The following LCMT1 variants were observed in gnomAD, a reference collection of about 807,000 sequenced individuals.
The protein encoded by LCMT1 is [Phosphatase 2A protein]-leucine-carboxy methyltransferase 1.
Under a neutral mutation model 47.7 loss-of-function variants are expected in LCMT1, and 32 were observed. The ratio of observed to expected loss-of-function variants is 0.67; its 90% confidence interval spans 0.51 to 0.90. The LOEUF is 0.90. Among genes scored for constraint, LCMT1 ranks in the 40% least tolerant of loss-of-function variants. The pLI, the probability that LCMT1 is intolerant of heterozygous loss-of-function variation, is 0.00. For synonymous variants in LCMT1, 152 were observed against 149.7 expected (o/e 1.02, Z -0.11); for missense variants, 375 against 415.2 (o/e 0.90, Z 0.84).
intron 3 of LCMT1, among the ~76,000 whole-genome samples, chr16:25,136,769 C>T (rs1275137639): frequency 6.6e-6 from 1 of 152,030 alleles, no homozygotes; most frequent in Non-Finnish European, 1.5e-5. Context: ...GAACTCCTGG[C>T]CTCAAGTGAT....
Position 25,169,246 on chromosome 16 carries a change from AC to A in LCMT1, c.792+36del, listed in dbSNP as rs1371702296. On this transcript the variant is annotated intron_variant, in intron 8 of 10. Coordinates refer to ENST00000399069, the MANE Select transcript of LCMT1 (RefSeq NM_016309.3). ...AGCAGGGACTGGGATATCCATTTGG[AC>A]CCTTAGTCAACCAAGATATATAAAG... The A allele has an allele frequency of 3.6e-6, 5 of 1,399,826 alleles. No individual in the cohort carries two copies. In the East Asian group the frequency reaches 1.1e-4, roughly 32 times the overall value. 86.7% of individuals were successfully genotyped at this position (1,399,826 alleles called of 1,614,324 possible).
At chr16:25,115,199 A>G (rs1959747765) in intron 1 of LCMT1, among the ~76,000 whole-genome samples, 1 of 151,914 alleles carries the variant, frequency 6.6e-6, no homozygotes, top group South Asian at 2.1e-4. Flanking sequence ...TCTATTTCCC[A>G]TGCTGTGCCC....
chr16:25,157,380 C>G (rs1961291760), intron 5 of LCMT1, among the ~76,000 whole-genome samples: 1 of 151,886 alleles, frequency 6.6e-6, no homozygotes, highest in Admixed American at 6.6e-5. Flanking sequence ...CCGCCCACCC[C>G]CCATCTATAC....
At chr16:25,177,872 C>A in intron 10 of LCMT1, 129 bp from the exon 11 acceptor site, 1 of 763,226 alleles carries the variant, frequency 1.3e-6, no homozygotes, top group Admixed American at 2.3e-5. Flanking sequence ...TTTTATGTAG[C>A]AGGAGGGCGG....
chr16:25,124,173 T>C (rs1960086956), intron 1 of LCMT1, among the ~76,000 whole-genome samples: 1 of 152,224 alleles, frequency 6.6e-6, no homozygotes, highest in Admixed American at 6.5e-5. Context: ...CAGGAAACTC[T>C]ACACAGTAGA....
intron 7 of LCMT1, among the ~76,000 whole-genome samples, chr16:25,166,239 C>T (rs796243726): frequency 3.4e-5 from 5 of 146,190 alleles, no homozygotes; most frequent in African/African-American, 1.3e-4. Flanking sequence ...CACTACACTC[C>T]AGCCTGAGTG....
At chr16:25,122,430 T>C (rs1180309220) in intron 1 of LCMT1, among the ~76,000 whole-genome samples, 2 of 152,100 alleles carry the variant, frequency 1.3e-5, no homozygotes, top group Non-Finnish European at 2.9e-5. Flanking sequence ...CACCTCACCC[T>C]CCCGAGTAGC....
intron 1 of LCMT1, among the ~76,000 whole-genome samples, chr16:25,114,004 A>G (rs1959711483): frequency 6.6e-6 from 1 of 152,240 alleles, no homozygotes; most frequent in Non-Finnish European, 1.5e-5. Flanking sequence ...AAATGAGATT[A>G]TCGATGCAGA....
At chr16:25,128,076 C>A (rs1288141942) in intron 1 of LCMT1, among the ~76,000 whole-genome samples, 1 of 152,200 alleles carries the variant, frequency 6.6e-6, no homozygotes, top group Non-Finnish European at 1.5e-5. Flanking sequence ...TTCTAAGTCT[C>A]CCTTCCTCTG....
rs1961678293 is a variant in LCMT1, at chr16:25,169,196, A to G, written c.775A>G (p.Lys259Glu). The change falls in exon 8 of 11, where the codon AAG (lysine) becomes GAG (glutamate). Residue 259 changes from lysine to glutamate, a missense_variant. Physicochemically the swap from Lys to Glu is moderately conservative, Grantham distance 56 (BLOSUM62 1). Coordinates refer to ENST00000399069, the MANE Select transcript of LCMT1 (RefSeq NM_016309.3). Reference protein sequence around the residue: ...QCDLAGVETCKSLESQKERLL... With the variant: ...QCDLAGVETCESLESQKERLL... ...TGACCTGGCGGGAGTGGAGACCTGC[A>G]AGTCATTAGAGTCACAGGTCAGAGA... 6 of 1,610,310 alleles carry G rather than the reference A, an allele frequency of 3.7e-6. No individual in the cohort carries two copies. The highest frequency in any genetic ancestry group is 5.1e-6 in the Non-Finnish European group (6 of 1,176,750).
chr16:25,127,657 G>A (rs1031800733), intron 1 of LCMT1, among the ~76,000 whole-genome samples: 5 of 152,214 alleles, frequency 3.3e-5, no homozygotes, highest in African/African-American at 1.2e-4. Flanking sequence ...TCATTAGGAT[G>A]CTTTGGGCTG....
At chr16:25,130,474 A>G (rs1960318465) in intron 2 of LCMT1, among the ~76,000 whole-genome samples, 1 of 151,930 alleles carries the variant, frequency 6.6e-6, no homozygotes, top group South Asian at 2.1e-4. Flanking sequence ...CAACATGGTG[A>G]AACCCTGTCT....
intron 8 of LCMT1, 106 bp from the exon 9 acceptor site, chr16:25,170,608 C>T: frequency 1.1e-6 from 1 of 877,984 alleles, no homozygotes; most frequent in Non-Finnish European, 1.8e-6. Context: ...TCAGCCTGGG[C>T]AACAGAATGA....
chr16:25,160,983 C>T (rs1438933728), intron 5 of LCMT1, 119 bp from the exon 6 acceptor site: 3 of 512,608 alleles, frequency 5.9e-6, no homozygotes, highest in East Asian at 6.4e-5. Flanking sequence ...CCTCCTCTTA[C>T]GTATTTTTTT....
At chr16:25,112,593 T>A (rs998604061) in intron 1 of LCMT1, among the ~76,000 whole-genome samples, 1 of 152,204 alleles carries the variant, frequency 6.6e-6, no homozygotes, top group African/African-American at 2.4e-5. Flanking sequence ...ATTTATTCTT[T>A]CATTCAACAA....
At chr16:25,120,907 C>T (rs1054183686) in intron 1 of LCMT1, among the ~76,000 whole-genome samples, 1 of 149,196 alleles carries the variant, frequency 6.7e-6, no homozygotes, top group Non-Finnish European at 1.5e-5. Flanking sequence ...CATCACCAGG[C>T]CTGGCTGATT....
chr16:25,174,274 T>G (rs1961862661), intron 9 of LCMT1, among the ~76,000 whole-genome samples: 1 of 152,232 alleles, frequency 6.6e-6, no homozygotes, highest in African/African-American at 2.4e-5. Context: ...TACATGCATA[T>G]AATTTTTTAC....
At chr16:25,131,423 G>T (rs1253776018) in intron 2 of LCMT1, among the ~76,000 whole-genome samples, 1 of 152,160 alleles carries the variant, frequency 6.6e-6, no homozygotes, top group Non-Finnish European at 1.5e-5. Flanking sequence ...TTCCCCCAGT[G>T]TCCAATCCAT....
chr16:25,172,176 G>A (rs1448716996), intron 9 of LCMT1, among the ~76,000 whole-genome samples: 5 of 152,034 alleles, frequency 3.3e-5, no homozygotes, highest in Admixed American at 1.3e-4. Context: ...GCATGGTGGC[G>A]GGCGCCTGTA....
Sources: gnomAD v4.1 joint callset for allele counts (sites outside exome capture counted in the v4.1 genomes callset) on GRCh38, gnomAD v4.1.1 for gene constraint, MANE v1.5 for transcripts, NCBI Gene and HGNC (gene_info 2026-07-23, HGNC 2026-07-21) for gene names.